Variants in UGT3A1 observed in about 807,000 individuals in gnomAD.
UGT3A1 encodes the protein UDP glycosyltransferase family 3 member A1.
Under a neutral mutation model 37.6 loss-of-function variants are expected in UGT3A1, and 40 were observed. The ratio of observed to expected loss-of-function variants is 1.06; its 90% CI spans 0.83 to 1.38. The LOEUF is 1.38. Among genes scored for constraint, UGT3A1 ranks in the 40% most tolerant of loss-of-function variants. The pLI is 0.00. For synonymous variants in UGT3A1, 256 were observed against 232.3 expected (o/e 1.10, Z -0.93); for missense variants, 642 against 634.2 (o/e 1.01, Z -0.13).
At chr5:35,972,874 C>T (rs894203391) in intron 2 of UGT3A1, among the ~76,000 whole-genome samples, 30 of 123,168 alleles carry the variant, frequency 2.4e-4, no homozygotes, top group African/African-American at 7.8e-4. Context: ...CTGAAAGCTT[C>T]TTTGTCTGCC....
At chr5:35,977,599 T>C (rs1380019327) in intron 2 of UGT3A1, among the ~76,000 whole-genome samples, 2 of 152,194 alleles carry the variant, frequency 1.3e-5, no homozygotes, top group Admixed American at 1.3e-4. Flanking sequence ...CTTTGTCTTC[T>C]GCTATGACAG....
At chr5:35,963,390 A>G (rs1739668370) in intron 4 of UGT3A1, among the ~76,000 whole-genome samples, 1 of 152,030 alleles carries the variant, frequency 6.6e-6, no homozygotes, top group Non-Finnish European at 1.5e-5. Flanking sequence ...ACAAAAACGG[A>G]TTTCAGGGGC....
At chr5:35,972,668 C>T (rs1740093911) in intron 2 of UGT3A1, among the ~76,000 whole-genome samples, 1 of 152,062 alleles carries the variant, frequency 6.6e-6, no homozygotes, top group Non-Finnish European at 1.5e-5. Context: ...AGAGGGCACT[C>T]ATCCTGTGGC....
chr5:35,987,435 C>T (rs547497999), intron 2 of UGT3A1, among the ~76,000 whole-genome samples: 1 of 152,222 alleles, frequency 6.6e-6, no homozygotes, highest in East Asian at 1.9e-4. Context: ...TTTTGGTGTG[C>T]ATGGTCTGTT....
intron 3 of UGT3A1, among the ~76,000 whole-genome samples, chr5:35,967,105 A>G (rs1332555857): frequency 1.3e-5 from 2 of 152,192 alleles, no homozygotes; most frequent in Non-Finnish European, 1.5e-5. Flanking sequence ...AATATTTAAC[A>G]TGTATCTGGA....
chr5:35,989,105 T>TA (rs1476265054), intron 1 of UGT3A1, among the ~76,000 whole-genome samples: 1 of 152,160 alleles, frequency 6.6e-6, no homozygotes, highest in Non-Finnish European at 1.5e-5. Context: ...AGCTACTACT[T>TA]AGAGCCCAAA....
intron 1 of UGT3A1, among the ~76,000 whole-genome samples, 183 bp from the exon 2 acceptor site, chr5:35,988,734 C>G (rs572336099): frequency 6.6e-6 from 1 of 152,276 alleles, no homozygotes; most frequent in East Asian, 1.9e-4. Flanking sequence ...ATGCCCAGTA[C>G]ATGCACCCAA....
chr5:35,979,582 A>G (rs1286515924), intron 2 of UGT3A1, among the ~76,000 whole-genome samples: 3 of 152,242 alleles, frequency 2.0e-5, no homozygotes, highest in South Asian at 2.1e-4. Context: ...AAAAAATTCA[A>G]CAAGCCTCTA....
intron 2 of UGT3A1, among the ~76,000 whole-genome samples, chr5:35,986,019 A>T (rs2149989576): frequency 6.6e-6 from 1 of 152,262 alleles, no homozygotes; most frequent in Non-Finnish European, 1.5e-5. Context: ...GCAAATAAAT[A>T]GTTAAAAATG....
In UGT3A1 at chr5:35,972,667, T is replaced by C. The variant is rs146883198; in HGVS notation, c.197-4534A>G. ...CTCTTTTCAGTGGTAAAGAGGGCAC[T>C]CATCCTGTGGCATTAGGTGGCAATC... On this transcript the variant is annotated intron_variant, in intron 2 of 6. Coordinates refer to ENST00000274278, the MANE Select transcript of UGT3A1 (RefSeq NM_152404.4). Among the ~76,000 whole-genome samples the C allele has an allele frequency of 3.8e-3, 578 of 152,226 alleles. 6 individuals carry two copies. The highest frequency in any genetic ancestry group is 5.4e-3 in the Non-Finnish European group (367 of 68,006).
chr5:35,955,423 C>T (rs10472268), intron 6 of UGT3A1: 247,183 of 609,616 alleles, frequency 0.41, 52,574 homozygotes, highest in Middle Eastern at 0.45. Flanking sequence ...TATAATTTGT[C>T]GCCATCACAG....
chr5:35,955,664 G>C lies in UGT3A1; in HGVS notation c.1276C>G (p.Gln426Glu), dbSNP rs751793802. The C allele has an allele frequency of 1.2e-6, 2 of 1,614,198 alleles. No homozygotes were observed. Among genetic ancestry groups the C allele is most frequent in the Admixed American group, 1.7e-5 (1 of 60,012 alleles). ...ACATACCTCTTGTCTTCTATGACTT[G>C]TTTCATTGTAAGTGTCAGTGTGTCG... ...TADTLTLTMK[Q>E]VIEDKRYKSA... The change falls in exon 6 of 7, where the codon CAA becomes GAA. Residue 426 changes from glutamine to glutamate, a missense_variant. Physicochemically the swap from Gln to Glu is conservative, Grantham distance 29. Transcript: ENST00000274278.
chr5:35,994,396 G>T (rs1272265356), upstream of UGT3A1, among the ~76,000 whole-genome samples: 2 of 143,164 alleles, frequency 1.4e-5, no homozygotes, highest in Non-Finnish European at 3.0e-5. Flanking sequence ...CCCCTATCAG[G>T]TTTGACCAAC....
At chr5:35,981,926 G>A (rs1740538802) in intron 2 of UGT3A1, among the ~76,000 whole-genome samples, 2 of 152,224 alleles carry the variant, frequency 1.3e-5, no homozygotes, top group Admixed American at 1.3e-4. Flanking sequence ...TTCAGCCTTG[G>A]GGCATGGCAC....
intron 2 of UGT3A1, among the ~76,000 whole-genome samples, chr5:35,980,267 T>C (rs1740467996): frequency 6.6e-6 from 1 of 152,088 alleles, no homozygotes; most frequent in African/African-American, 2.4e-5. Context: ...GAAGACAGAA[T>C]CTATGAAAAA....
intron 1 of UGT3A1, among the ~76,000 whole-genome samples, chr5:35,989,985 G>C (rs566064627): frequency 7.9e-5 from 12 of 152,110 alleles, no homozygotes; most frequent in African/African-American, 1.2e-4. Flanking sequence ...CCAGCTACTC[G>C]GGAGGCTGAG....
upstream of UGT3A1, among the ~76,000 whole-genome samples, chr5:35,995,365 G>A (rs753462455): frequency 8.5e-5 from 13 of 152,134 alleles, no homozygotes; most frequent in African/African-American, 2.2e-4. Context: ...TCTCATGATC[G>A]CCCCATTTCA....
intron 2 of UGT3A1, among the ~76,000 whole-genome samples, chr5:35,985,564 C>T (rs1740697797): frequency 6.6e-6 from 1 of 152,048 alleles, no homozygotes; most frequent in South Asian, 2.1e-4. Flanking sequence ...TGTATAGCAA[C>T]CTTATCTTCA....
intron 4 of UGT3A1, among the ~76,000 whole-genome samples, chr5:35,964,116 A>T (rs1739701405): frequency 6.6e-6 from 1 of 152,178 alleles, no homozygotes; most frequent in Admixed American, 6.5e-5. Flanking sequence ...TATATTTTAT[A>T]TTATAAATAT....
Sources: allele counts gnomAD v4.1 joint callset (sites outside exome capture counted in the v4.1 genomes callset), GRCh38; gene constraint gnomAD v4.1.1; transcripts MANE v1.5; gene names NCBI Gene and HGNC (gene_info 2026-07-23, HGNC 2026-07-21).